NEGR1: variants seen among roughly 807,000 people sequenced by gnomAD.
NEGR1 encodes the protein IgLON family member 4.
Under a neutral mutation model 40.9 loss-of-function variants are expected in NEGR1, and 10 were observed. The observed-to-expected ratio is 0.24, with a 90% CI of 0.15 to 0.42. The LOEUF is 0.42. Among genes scored for constraint, NEGR1 ranks in the 10% least tolerant of loss-of-function variants. The pLI, the probability that NEGR1 is intolerant of heterozygous loss-of-function variation, is 1.00. For synonymous variants in NEGR1, 185 were observed against 166.8 expected (o/e 1.11, Z -0.84); for missense variants, 352 against 438.9 (o/e 0.80, Z 1.77).
chr1:72,058,500 G>T (rs2821273), intron 1 of NEGR1, among the ~76,000 whole-genome samples: 1 of 151,570 alleles, frequency 6.6e-6, no homozygotes, highest in Non-Finnish European at 1.5e-5. Context: ...TTTTGAAAAT[G>T]GTGAAGAGGA....
intron 2 of NEGR1, among the ~76,000 whole-genome samples, chr1:71,867,591 T>C (rs1377151906): frequency 6.6e-6 from 1 of 152,208 alleles, no homozygotes; most frequent in East Asian, 1.9e-4. Context: ...GAGACTGATA[T>C]GTCAACTAAG....
intron 1 of NEGR1, among the ~76,000 whole-genome samples, chr1:72,056,200 C>T (rs905660171): frequency 2.0e-5 from 3 of 151,230 alleles, no homozygotes; most frequent in Non-Finnish European, 4.4e-5. Flanking sequence ...TAACTTACTA[C>T]TCTTAAGAAG....
chr1:71,650,579 G>T (rs1570151742), intron 4 of NEGR1, among the ~76,000 whole-genome samples: 2 of 152,258 alleles, frequency 1.3e-5, no homozygotes, highest in African/African-American at 4.8e-5. Flanking sequence ...AGAAAAGGCT[G>T]TGCAAGTTTT....
intron 2 of NEGR1, among the ~76,000 whole-genome samples, chr1:71,863,697 C>A (rs914978548): frequency 6.6e-6 from 1 of 152,130 alleles, no homozygotes; most frequent in Non-Finnish European, 1.5e-5. Flanking sequence ...AGTTCCTACA[C>A]ACAGTTATTA....
chr1:71,756,336 T>C (rs557967938), intron 3 of NEGR1, among the ~76,000 whole-genome samples: 2 of 149,636 alleles, frequency 1.3e-5, no homozygotes, highest in African/African-American at 4.9e-5. Context: ...TGGATTAATA[T>C]GTTGAATAAA....
chr1:72,107,263 T>C (rs1206007468), intron 1 of NEGR1, among the ~76,000 whole-genome samples: 1 of 151,690 alleles, frequency 6.6e-6, no homozygotes, highest in Non-Finnish European at 1.5e-5. Flanking sequence ...TAGAATGTTC[T>C]AATACACAAA....
intron 6 of NEGR1, among the ~76,000 whole-genome samples, chr1:71,496,579 GAC>G (rs1646965034): frequency 9.0e-6 from 1 of 111,698 alleles, no homozygotes; most frequent in Non-Finnish European, 1.9e-5. Flanking sequence ...CTAGGATTAT[GAC>G]AGATTACATT....
intron 1 of NEGR1, among the ~76,000 whole-genome samples, chr1:72,206,267 T>C (rs1653393919): frequency 6.6e-6 from 1 of 152,006 alleles, no homozygotes; most frequent in Non-Finnish European, 1.5e-5. Context: ...ATGATTATAT[T>C]TGAGCCTTGG....
chr1:72,225,365 T>C (rs561560477), intron 1 of NEGR1, among the ~76,000 whole-genome samples: 8 of 152,116 alleles, frequency 5.3e-5, no homozygotes, highest in Admixed American at 2.6e-4. Context: ...TAAAGTTAGT[T>C]ATTGTCAAAA....
chr1:71,998,539 T>G (rs1329775287), intron 1 of NEGR1, among the ~76,000 whole-genome samples: 1 of 151,788 alleles, frequency 6.6e-6, no homozygotes, highest in Non-Finnish European at 1.5e-5. Flanking sequence ...CATGCACCTT[T>G]AAGCCTCATG....
At chr1:72,212,572 T>C (rs1653650230) in intron 1 of NEGR1, among the ~76,000 whole-genome samples, 3 of 152,028 alleles carry the variant, frequency 2.0e-5, no homozygotes. Flanking sequence ...TATTCACCTT[T>C]AGATGTCACT....
chr1:71,652,623 T>C (rs1429901024), intron 4 of NEGR1, among the ~76,000 whole-genome samples: 1 of 152,142 alleles, frequency 6.6e-6, no homozygotes, highest in Non-Finnish European at 1.5e-5. Context: ...TATAGCACTT[T>C]GGGAGACTGA....
intron 1 of NEGR1, among the ~76,000 whole-genome samples, chr1:71,998,023 C>G (rs533856658): frequency 6.6e-6 from 1 of 152,026 alleles, no homozygotes; most frequent in East Asian, 1.9e-4. Flanking sequence ...AATTTTGAAA[C>G]AACTTCTTAA....
intron 1 of NEGR1, among the ~76,000 whole-genome samples, chr1:71,949,034 G>A (rs1454003032): frequency 6.6e-6 from 1 of 152,116 alleles, no homozygotes; most frequent in Non-Finnish European, 1.5e-5. Flanking sequence ...TACTGATATG[G>A]CTTCTTCAAG....
In NEGR1 at chr1:71,523,925, A is replaced by T. The variant is rs76016649; in HGVS notation, c.940+68892T>A. 3.1e-3 allele frequency among the ~76,000 whole-genome samples: 474 copies of T among 151,956 alleles called. 2 individuals are homozygous for T. The highest frequency in any genetic ancestry group is 0.011 in the African/African-American group (460 of 41,512). On this transcript the variant is annotated intron_variant, in intron 6 of 6. Coordinates refer to ENST00000357731, the MANE Select transcript of NEGR1 (RefSeq NM_173808.3). ...GGCTAGGAGGACTGACAGAAAAGCA[A>T]AAATTAGAGGGCTCATATTCTAAGT...
chr1:71,665,214 T>C (rs1218146003), intron 4 of NEGR1, among the ~76,000 whole-genome samples: 2 of 152,222 alleles, frequency 1.3e-5, no homozygotes, highest in Non-Finnish European at 2.9e-5. Flanking sequence ...TCTAAAACTA[T>C]AGTTTTCTTT....
chr1:71,638,501 C>T (rs1265216816), intron 4 of NEGR1, among the ~76,000 whole-genome samples: 2 of 152,012 alleles, frequency 1.3e-5, no homozygotes, highest in African/African-American at 2.4e-5. Context: ...TTCTGTTTGA[C>T]GCTTGCTTCT....
intron 6 of NEGR1, among the ~76,000 whole-genome samples, chr1:71,545,920 A>T (rs1429817581): frequency 6.6e-6 from 1 of 151,744 alleles, no homozygotes; most frequent in Non-Finnish European, 1.5e-5. Flanking sequence ...TAAAATTAGC[A>T]ATCTAAATAT....
chr1:71,528,313 T>C (rs1016687955), intron 6 of NEGR1, among the ~76,000 whole-genome samples: 1 of 151,370 alleles, frequency 6.6e-6, no homozygotes, highest in Non-Finnish European at 1.5e-5. Context: ...TTCTTTAGTA[T>C]GAAACTATAG....
Sources: allele counts gnomAD v4.1 joint callset (sites outside exome capture counted in the v4.1 genomes callset), GRCh38; gene constraint gnomAD v4.1.1; transcripts MANE v1.5; gene names NCBI Gene and HGNC (gene_info 2026-07-23, HGNC 2026-07-21).